The following TMEM178B variants were observed in gnomAD, a reference collection of about 807,000 sequenced individuals.
The protein encoded by TMEM178B is transmembrane protein 178B.
A neutral mutation model predicts 31.0 loss-of-function variants in TMEM178B; 5 were observed. That is an observed-to-expected ratio of 0.16 (90% CI 0.08 to 0.34). TMEM178B has a LOEUF of 0.34. TMEM178B is among the 10% of genes least tolerant of loss of function. TMEM178B has a pLI of 1.00. For missense variants in TMEM178B, 275 were observed against 400.3 expected, an observed-to-expected ratio of 0.69 and a Z score of 2.67; for synonymous variants, 164 against 164.0, an observed-to-expected ratio of 1.00 and a Z score of 0.00.
At chr7:141,227,480 T>C (rs1233156021) in intron 2 of TMEM178B, among the ~76,000 whole-genome samples, 1 of 152,196 alleles carries the variant, frequency 6.6e-6, no homozygotes, top group Non-Finnish European at 1.5e-5. Flanking sequence ...TCAAATGTAC[T>C]ATGAGGTGAA....
chr7:141,347,809 C>T (rs1165409693), intron 2 of TMEM178B, among the ~76,000 whole-genome samples: 1 of 152,136 alleles, frequency 6.6e-6, no homozygotes, highest in Non-Finnish European at 1.5e-5. Context: ...CTCCACTCTG[C>T]CGCACCACCA....
At chr7:141,272,508 A>G (rs1310458426) in intron 2 of TMEM178B, among the ~76,000 whole-genome samples, 2 of 152,264 alleles carry the variant, frequency 1.3e-5, no homozygotes, top group East Asian at 3.8e-4. Context: ...AATAACATTC[A>G]GTGTCAACTA....
At chr7:141,218,856 A>G (rs887632297) in intron 2 of TMEM178B, among the ~76,000 whole-genome samples, 14 of 151,950 alleles carry the variant, frequency 9.2e-5, no homozygotes, top group Non-Finnish European at 1.5e-4. Context: ...TCCCTTTCCC[A>G]GTGGACTCAG....
chr7:141,386,042 G>A (rs549135266), intron 2 of TMEM178B, among the ~76,000 whole-genome samples: 234 of 152,276 alleles, frequency 1.5e-3, no homozygotes, highest in Non-Finnish European at 2.6e-3. Context: ...CTACCTTTCA[G>A]CACTTCTCAG....
intron 2 of TMEM178B, among the ~76,000 whole-genome samples, chr7:141,315,254 A>T (rs146571062): frequency 2.6e-5 from 4 of 152,174 alleles, no homozygotes; most frequent in Admixed American, 2.6e-4. Flanking sequence ...AATCTTCTGA[A>T]ATCCCCTCAT....
chr7:141,101,434 C>A (rs1187289965), intron 1 of TMEM178B, among the ~76,000 whole-genome samples: 1 of 152,222 alleles, frequency 6.6e-6, no homozygotes, highest in Non-Finnish European at 1.5e-5. Context: ...GATTAAACAG[C>A]CCTAGTTGTA....
chr7:141,451,141 C>T (rs746557033), intron 3 of TMEM178B, among the ~76,000 whole-genome samples: 1 of 152,136 alleles, frequency 6.6e-6, no homozygotes, highest in Non-Finnish European at 1.5e-5. Context: ...CTTCTGCTAC[C>T]GAAGTGTTAA....
At chr7:141,135,473 T>C (rs112229658) in intron 1 of TMEM178B, among the ~76,000 whole-genome samples, 7,341 of 152,294 alleles carry the variant, frequency 0.048, 612 homozygotes, top group African/African-American at 0.17. Flanking sequence ...ATAGGCTGTA[T>C]TTTAGGCCAC....
At chr7:141,110,967 G>T (rs1196784464) in intron 1 of TMEM178B, among the ~76,000 whole-genome samples, 1 of 152,210 alleles carries the variant, frequency 6.6e-6, no homozygotes, top group Non-Finnish European at 1.5e-5. Flanking sequence ...GAAACCAAAT[G>T]CTGCTGGAAC....
chr7:141,147,874 A>G (rs1398406067), intron 1 of TMEM178B, among the ~76,000 whole-genome samples: 2 of 152,202 alleles, frequency 1.3e-5, no homozygotes, highest in African/African-American at 2.4e-5. Context: ...ATAGATGGCA[A>G]TTGAAGCTAG....
chr7:141,153,983 C>T (rs952625512), intron 1 of TMEM178B, among the ~76,000 whole-genome samples: 1 of 152,134 alleles, frequency 6.6e-6, no homozygotes, highest in Non-Finnish European at 1.5e-5. Context: ...AAAATCAATT[C>T]TTTTACTCAT....
At chr7:141,429,330 C>T (rs951587044) in intron 2 of TMEM178B, among the ~76,000 whole-genome samples, 6 of 131,896 alleles carry the variant, frequency 4.5e-5, no homozygotes, top group African/African-American at 1.8e-4. Context: ...CACACACACA[C>T]ACACACACAC....
chr7:141,177,151 C>G (rs1796447182), intron 1 of TMEM178B, among the ~76,000 whole-genome samples: 1 of 152,144 alleles, frequency 6.6e-6, no homozygotes, highest in African/African-American at 2.4e-5. Context: ...TATGTTGTGT[C>G]TTTGTTCTCA....
intron 2 of TMEM178B, among the ~76,000 whole-genome samples, chr7:141,277,597 A>T (rs1490026712): frequency 6.6e-6 from 1 of 152,250 alleles, no homozygotes; most frequent in Non-Finnish European, 1.5e-5. Flanking sequence ...AACAGTAAAA[A>T]GTATAGTATA....
intron 2 of TMEM178B, among the ~76,000 whole-genome samples, chr7:141,231,803 A>G (rs929772401): frequency 6.6e-6 from 1 of 152,126 alleles, no homozygotes; most frequent in Non-Finnish European, 1.5e-5. Context: ...TTTTCCCATC[A>G]ACTTTTATTT....
rs1370170501 is a variant in TMEM178B at position 141,236,758 on chromosome 7, TGAAG to T, written c.496+24058_496+24061del. 2.0e-5 allele frequency among the ~76,000 whole-genome samples: 3 copies of T among 152,166 alleles called. No individual in the cohort carries two copies. In the East Asian group the frequency reaches 5.8e-4, roughly 29 times the overall value. Reference sequence around the variant, plus strand: ...GGTGATTATTTATCTGATGCCCTGATGAAGGAAAGATTTTTCGAAGCTTAAGGGA... The same window carrying T: ...GGTGATTATTTATCTGATGCCCTGATGAAAGATTTTTCGAAGCTTAAGGGA... On this transcript the variant is annotated intron_variant, in intron 2 of 3. Transcript: ENST00000565468.
downstream of TMEM178B, among the ~76,000 whole-genome samples, chr7:141,482,744 G>A (rs1802498888): frequency 6.6e-6 from 1 of 152,134 alleles, no homozygotes; most frequent in Non-Finnish European, 1.5e-5. Flanking sequence ...GGACACATAG[G>A]GCAGGGTTCA....
At chr7:141,200,897 C>A (rs1284494913) in intron 1 of TMEM178B, among the ~76,000 whole-genome samples, 7 of 152,120 alleles carry the variant, frequency 4.6e-5, no homozygotes, top group African/African-American at 1.4e-4. Context: ...GCCTCCAGCA[C>A]CGCCCTGTGG....
intron 2 of TMEM178B, among the ~76,000 whole-genome samples, chr7:141,314,242 C>T (rs1798962664): frequency 6.6e-6 from 1 of 152,228 alleles, no homozygotes; most frequent in African/African-American, 2.4e-5. Flanking sequence ...ATGGCTTCAA[C>T]TCTCAGGAGG....
Sources: allele counts gnomAD v4.1 joint callset (sites outside exome capture counted in the v4.1 genomes callset), GRCh38; gene constraint gnomAD v4.1.1; transcripts MANE v1.5; gene names NCBI Gene and HGNC (gene_info 2026-07-23, HGNC 2026-07-21).